The following PTPRG variants were observed in gnomAD, a reference collection of about 807,000 sequenced individuals.
PTPRG encodes the protein protein tyrosine phosphatase receptor type G.
Under a neutral mutation model 165.3 loss-of-function variants are expected in PTPRG, and 102 were observed. The ratio of observed to expected loss-of-function variants is 0.62; its 90% CI spans 0.53 to 0.73. The LOEUF (loss-of-function observed/expected upper bound fraction) is 0.73, where lower values mean the gene tolerates loss of function less well. PTPRG is among the 30% of genes least tolerant of loss of function. PTPRG has a pLI of 0.00. For synonymous variants in PTPRG, 675 were observed against 669.5 expected, an observed-to-expected ratio of 1.01 and a Z score of -0.13; for missense variants, 1,866 against 1,861.4, an observed-to-expected ratio of 1.00 and a Z score of -0.05.
At chr3:62,275,436 C>A (rs1233955874) in intron 23 of PTPRG, among the ~76,000 whole-genome samples, 1 of 152,114 alleles carries the variant, frequency 6.6e-6, no homozygotes, top group Non-Finnish European at 1.5e-5. Context: ...CTATTGCACA[C>A]AGTACCTATT....
intron 2 of PTPRG, among the ~76,000 whole-genome samples, chr3:61,825,565 T>G (rs2036081524): frequency 6.6e-6 from 1 of 152,186 alleles, no homozygotes; most frequent in Non-Finnish European, 1.5e-5. Context: ...GGCATTATTG[T>G]ATGGTAGTTA....
At chr3:61,681,804 C>CA (rs1703450544) in intron 1 of PTPRG, among the ~76,000 whole-genome samples, 1 of 151,938 alleles carries the variant, frequency 6.6e-6, no homozygotes, top group African/African-American at 2.4e-5. Context: ...ATGTTGTTGA[C>CA]CATGGAGGAA....
intron 2 of PTPRG, among the ~76,000 whole-genome samples, chr3:61,966,965 A>G (rs2040286705): frequency 6.6e-6 from 1 of 152,198 alleles, no homozygotes; most frequent in African/African-American, 2.4e-5. Context: ...GGCTTGTGAG[A>G]AGCAGGACTT....
chr3:62,110,089 CTTTTTTTTTTTTT>C (rs371457716), intron 5 of PTPRG, among the ~76,000 whole-genome samples: 1 of 79,962 alleles, frequency 1.3e-5, no homozygotes, highest in Non-Finnish European at 2.3e-5. Flanking sequence ...GAAATAATGG[CTTTTTTTTTTTTT>C]TTTTTTTTTT....
intron 2 of PTPRG, among the ~76,000 whole-genome samples, chr3:61,860,087 A>G (rs1259718019): frequency 6.6e-6 from 1 of 152,146 alleles, no homozygotes; most frequent in East Asian, 1.9e-4. Flanking sequence ...CCATAAAATC[A>G]CGTGTGATTG....
At chr3:62,188,567 A>G (rs1335669853) in intron 8 of PTPRG, among the ~76,000 whole-genome samples, 1 of 152,084 alleles carries the variant, frequency 6.6e-6, no homozygotes, top group African/African-American at 2.4e-5. Context: ...ACTTTTTTGT[A>G]CTACTTGGGT....
In PTPRG at chr3:62,051,410, AGCTACTGT is replaced by A. The variant is rs150209634; in HGVS notation, c.520-26750_520-26743del. On this transcript the variant is annotated intron_variant, in intron 4 of 29. Transcript: ENST00000474889. ...ACATGATTGTGCAGCAAGGTTGAGG[AGCTACTGT>A]GCAAGAAAAGAGTGCTTTGAACATG... 5.6e-4 allele frequency among the ~76,000 whole-genome samples: 85 copies of A among 152,262 alleles called. No individual in the cohort carries two copies. The East Asian group carries it at 0.016, about 29-fold the overall frequency.
At chr3:61,689,861 A>T (rs1421763246) in intron 1 of PTPRG, among the ~76,000 whole-genome samples, 1 of 152,160 alleles carries the variant, frequency 6.6e-6, no homozygotes, top group Non-Finnish European at 1.5e-5. Context: ...TGAAGTTTTA[A>T]CCTGATTCCA....
chr3:61,968,478 T>C (rs1467770199), intron 2 of PTPRG, among the ~76,000 whole-genome samples: 2 of 152,148 alleles, frequency 1.3e-5, no homozygotes, highest in Non-Finnish European at 2.9e-5. Context: ...TGTAGACTCA[T>C]TGGGCTTAAG....
At chr3:62,002,472 C>G (rs1172445860) in intron 3 of PTPRG, among the ~76,000 whole-genome samples, 1 of 152,192 alleles carries the variant, frequency 6.6e-6, no homozygotes, top group Non-Finnish European at 1.5e-5. Context: ...GGGAATATAT[C>G]TCTTGAATAG....
intron 1 of PTPRG, among the ~76,000 whole-genome samples, chr3:61,638,542 A>C (rs1701979165): frequency 7.1e-6 from 1 of 141,302 alleles, no homozygotes; most frequent in Admixed American, 7.2e-5. Context: ...GAAAAAAAAA[A>C]TCTTCCCAAG....
chr3:62,247,433 T>C (rs1261157317), intron 15 of PTPRG, among the ~76,000 whole-genome samples: 1 of 152,186 alleles, frequency 6.6e-6, no homozygotes, highest in Non-Finnish European at 1.5e-5. Flanking sequence ...TTCTGAGTTA[T>C]TGATCATTAA....
At chr3:61,563,385 C>G (rs927753354) in intron 1 of PTPRG, among the ~76,000 whole-genome samples, 1 of 152,148 alleles carries the variant, frequency 6.6e-6, no homozygotes, top group Non-Finnish European at 1.5e-5. Flanking sequence ...TTCCAGCTCT[C>G]AGCTGGCAGT....
chr3:62,112,552 A>AT (rs1422666797), intron 5 of PTPRG, among the ~76,000 whole-genome samples: 1 of 152,254 alleles, frequency 6.6e-6, no homozygotes, highest in African/African-American at 2.4e-5. Context: ...AAGCACTAGT[A>AT]TAGTGAATGG....
At chr3:62,055,572 A>G (rs996239149) in intron 4 of PTPRG, among the ~76,000 whole-genome samples, 1 of 152,188 alleles carries the variant, frequency 6.6e-6, no homozygotes, top group Non-Finnish European at 1.5e-5. Context: ...ATCACAAGCT[A>G]AGTAGCTTAG....
chr3:61,594,326 G>A (rs1700642481), intron 1 of PTPRG, among the ~76,000 whole-genome samples: 1 of 152,040 alleles, frequency 6.6e-6, no homozygotes, highest in Non-Finnish European at 1.5e-5. Flanking sequence ...GCAGCTGTGG[G>A]CTGTTAGTTA....
At chr3:62,005,849 T>G (rs1025722100) in intron 4 of PTPRG, among the ~76,000 whole-genome samples, 3 of 151,790 alleles carry the variant, frequency 2.0e-5, no homozygotes, top group Admixed American at 6.6e-5. Flanking sequence ...ATTACAGGTG[T>G]GTGCCACCAT....
chr3:61,992,415 G>C (rs2040919843), intron 3 of PTPRG, among the ~76,000 whole-genome samples: 1 of 152,238 alleles, frequency 6.6e-6, no homozygotes. Context: ...CTGGAGTTCA[G>C]TTGGCATGAT....
chr3:61,562,964 T>C (rs959482970), intron 1 of PTPRG, among the ~76,000 whole-genome samples: 16 of 151,778 alleles, frequency 1.1e-4, no homozygotes, highest in African/African-American at 3.6e-4. Context: ...CTCTGGGGGC[T>C]GGGGCGCGGG....
Sources: gnomAD v4.1 joint callset for allele counts (sites outside exome capture counted in the v4.1 genomes callset) on GRCh38, gnomAD v4.1.1 for gene constraint, MANE v1.5 for transcripts, NCBI Gene and HGNC (gene_info 2026-07-23, HGNC 2026-07-21) for gene names.